The following SDHC variants were observed in gnomAD, a reference collection of about 807,000 sequenced individuals.
SDHC encodes the protein succinate dehydrogenase cytochrome b560 subunit, mitochondrial.
SDHC carries 11 observed loss-of-function variants against 22.6 expected under a neutral mutation model. The observed-to-expected ratio is 0.49, with a 90% CI of 0.31 to 0.81. The LOEUF (loss-of-function observed/expected upper bound fraction) is 0.81. Among genes scored for constraint, SDHC ranks in the 30% least tolerant of loss-of-function variants. The probability of loss-of-function intolerance (pLI) is 0.05; values close to 1 mark genes in which losing one functional copy is unlikely to be tolerated. For missense variants in SDHC, 160 were observed against 212.0 expected (o/e 0.75, Z 1.52); for synonymous variants, 80 against 77.8 (o/e 1.03, Z -0.15).
intron 4 of SDHC, among the ~76,000 whole-genome samples, chr1:161,349,644 A>G (rs561056507): frequency 1.3e-5 from 2 of 152,154 alleles, no homozygotes; most frequent in Non-Finnish European, 2.9e-5. Context: ...TTTGAAAATG[A>G]CTGTGTTTTT....
rs1320813643 is a variant in SDHC, at chr1:161,362,627, T to TCC, written c.*195_*196insCC. On this transcript the variant is annotated 3_prime_UTR_variant, in exon 6 of 6. Transcript: ENST00000367975. ...AAAAGGGTCTAGTTTTCCCCTTGTT[T>TCC]CTAAAGATGAGGTGGCTGCAAAAAC... 6.3e-7 allele frequency: 1 copy of TCC among 1,582,792 alleles called. No homozygotes were observed. The highest frequency in any genetic ancestry group is 1.3e-5 in the African/African-American group (1 of 74,252).
At chr1:161,327,991 T>C (rs1671122699) in intron 2 of SDHC, among the ~76,000 whole-genome samples, 1 of 151,116 alleles carries the variant, frequency 6.6e-6, no homozygotes, top group African/African-American at 2.4e-5. Flanking sequence ...AAACCTTTTC[T>C]AAAAAGATAC....
intron 3 of SDHC, among the ~76,000 whole-genome samples, chr1:161,332,413 T>G (rs1474294012): frequency 2.6e-5 from 4 of 152,204 alleles, no homozygotes; most frequent in Admixed American, 6.5e-5. Context: ...TGCTAAACTT[T>G]CTGCCCTATG....
At chr1:161,344,632 G>A (rs4077290) in intron 4 of SDHC, among the ~76,000 whole-genome samples, 17,796 of 152,042 alleles carry the variant, frequency 0.12, 1,419 homozygotes, top group African/African-American at 0.22. Context: ...TTCTTCAAAT[G>A]TTGAAGGTCC....
intron 5 of SDHC, among the ~76,000 whole-genome samples, chr1:161,358,878 A>G (rs1672387570): frequency 6.7e-6 from 1 of 150,132 alleles, no homozygotes; most frequent in Non-Finnish European, 1.5e-5. Context: ...GTGAGCTGAG[A>G]TCATGCCATT....
intron 3 of SDHC, 131 bp downstream of exon 3, chr1:161,328,628 C>G (rs1558167462): frequency 2.8e-6 from 2 of 710,542 alleles, no homozygotes; most frequent in Non-Finnish European, 5.2e-6. Flanking sequence ...GAGGTGAACC[C>G]TTCAGGGTAG....
intron 4 of SDHC, among the ~76,000 whole-genome samples, chr1:161,353,199 G>A (rs1412594980): frequency 6.6e-6 from 1 of 152,094 alleles, no homozygotes; most frequent in Admixed American, 6.5e-5. Flanking sequence ...TTGAGAGTAG[G>A]TGGTGTTATC....
chr1:161,340,289 G>A lies in SDHC; in HGVS notation c.180-305G>A, dbSNP rs572917702. Reference sequence around the variant, plus strand: ...GGGTGACAGAGCAAGACCCTGTTCCGGGGGGGTAAAAAAAAAAGTGAAAAG... The same window carrying A: ...GGGTGACAGAGCAAGACCCTGTTCCAGGGGGGTAAAAAAAAAAGTGAAAAG... On this transcript the variant is annotated intron_variant, in intron 3 of 5. Transcript: ENST00000367975. 5.4e-5 allele frequency among the ~76,000 whole-genome samples: 8 copies of A among 147,198 alleles called. No individual in the cohort carries two copies. The South Asian group carries it at 9.0e-4, about 16-fold the overall frequency.
chr1:161,327,707 G>A (rs760005438), intron 2 of SDHC, among the ~76,000 whole-genome samples: 1 of 151,684 alleles, frequency 6.6e-6, no homozygotes, highest in African/African-American at 2.4e-5. Flanking sequence ...GATTACAGTC[G>A]TGCGCCAACA....
chr1:161,316,075 G>A (rs1217659852), intron 1 of SDHC, among the ~76,000 whole-genome samples: 2 of 152,096 alleles, frequency 1.3e-5, no homozygotes, highest in East Asian at 3.9e-4. Context: ...GCCCTAAGGC[G>A]GTTTTCCCCT....
intron 2 of SDHC, among the ~76,000 whole-genome samples, chr1:161,325,436 T>C (rs1671016131): frequency 6.6e-6 from 1 of 152,030 alleles, no homozygotes; most frequent in Admixed American, 6.6e-5. Flanking sequence ...TCCTAGCACT[T>C]TCGGAGGCTG....
At chr1:161,325,148 G>A (rs1212679580) in intron 2 of SDHC, among the ~76,000 whole-genome samples, 2 of 152,058 alleles carry the variant, frequency 1.3e-5, no homozygotes, top group African/African-American at 2.4e-5. Flanking sequence ...TCAAGGTTGT[G>A]GTGAGCTATG....
chr1:161,339,325 G>A (rs1164702470), intron 3 of SDHC, among the ~76,000 whole-genome samples: 1 of 151,244 alleles, frequency 6.6e-6, no homozygotes, highest in African/African-American at 2.4e-5. Flanking sequence ...TGGGACCACA[G>A]GCCTCTGCCA....
intron 5 of SDHC, among the ~76,000 whole-genome samples, chr1:161,361,773 G>T (rs1382706987): frequency 1.3e-5 from 2 of 150,620 alleles, no homozygotes; most frequent in African/African-American, 4.9e-5. Context: ...AACCTGGGAG[G>T]TGGAGCTTGC....
intron 3 of SDHC, among the ~76,000 whole-genome samples, chr1:161,333,392 T>A (rs1671354296): frequency 6.6e-6 from 1 of 151,442 alleles, no homozygotes; most frequent in Non-Finnish European, 1.5e-5. Flanking sequence ...ATGGTAACTC[T>A]ATGTTTAACT....
intron 5 of SDHC, among the ~76,000 whole-genome samples, chr1:161,358,545 G>A (rs1033827061): frequency 2.0e-5 from 3 of 152,058 alleles, no homozygotes; most frequent in African/African-American, 4.8e-5. Flanking sequence ...GCTGAGGTGG[G>A]AGGATCGAAT....
chr1:161,332,993 AATCGTTTGT>A (rs1465596383), intron 3 of SDHC, among the ~76,000 whole-genome samples: 6 of 152,160 alleles, frequency 3.9e-5, no homozygotes, highest in Non-Finnish European at 7.4e-5. Context: ...CATCACCACC[AATCGTTTGT>A]CCCTCCCAGC....
intron 1 of SDHC, among the ~76,000 whole-genome samples, chr1:161,315,733 C>G (rs1670585232): frequency 6.6e-6 from 1 of 152,110 alleles, no homozygotes; most frequent in Non-Finnish European, 1.5e-5. Context: ...CCCCTCCACA[C>G]CTGTGGGTGT....
chr1:161,357,984 A>G (rs1672347015), intron 5 of SDHC, among the ~76,000 whole-genome samples: 1 of 151,598 alleles, frequency 6.6e-6, no homozygotes, highest in South Asian at 2.1e-4. Context: ...CAACTTTAAT[A>G]GAAACTGGGT....
Sources: gnomAD v4.1 joint callset for allele counts (sites outside exome capture counted in the v4.1 genomes callset) on GRCh38, gnomAD v4.1.1 for gene constraint, MANE v1.5 for transcripts, NCBI Gene and HGNC (gene_info 2026-07-23, HGNC 2026-07-21) for gene names.